Variants in SPOCK1 observed in about 807,000 individuals in gnomAD.
The protein encoded by SPOCK1 is SPARC (osteonectin), cwcv and kazal like domains proteoglycan 1, also known as testican-1.
SPOCK1 carries 23 observed loss-of-function variants against 55.3 expected under a neutral mutation model. The ratio of observed to expected loss-of-function variants is 0.42; its 90% CI spans 0.30 to 0.59. The LOEUF (loss-of-function observed/expected upper bound fraction) is 0.59, where lower values mean the gene tolerates loss of function less well. Among genes scored for constraint, SPOCK1 ranks in the 20% least tolerant of loss-of-function variants. SPOCK1 has a pLI of 0.22. For synonymous variants in SPOCK1, 226 were observed against 221.0 expected (o/e 1.02, Z -0.20); for missense variants, 499 against 552.5 (o/e 0.90, Z 0.97).
intron 2 of SPOCK1, among the ~76,000 whole-genome samples, chr5:137,486,089 C>A (rs1754049497): frequency 6.6e-6 from 1 of 152,232 alleles, no homozygotes; most frequent in Non-Finnish European, 1.5e-5. Context: ...CCTCGACCAA[C>A]AGCCCTGACA....
chr5:137,021,814 A>G (rs970791839), intron 6 of SPOCK1, among the ~76,000 whole-genome samples: 4 of 152,190 alleles, frequency 2.6e-5, no homozygotes, highest in Non-Finnish European at 5.9e-5. Flanking sequence ...ACTGCTCAAG[A>G]TGCAGTTGAT....
At chr5:137,271,012 T>A (rs1410040641) in intron 2 of SPOCK1, among the ~76,000 whole-genome samples, 1 of 150,932 alleles carries the variant, frequency 6.6e-6, no homozygotes, top group Non-Finnish European at 1.5e-5. Flanking sequence ...TCAAAATTAA[T>A]TAATTAATTA....
intron 5 of SPOCK1, among the ~76,000 whole-genome samples, chr5:137,103,927 AT>A (rs1315673692): frequency 6.6e-6 from 1 of 152,242 alleles, no homozygotes; most frequent in Non-Finnish European, 1.5e-5. Context: ...AAAAGGCAAA[AT>A]TCAGTCATCT....
intron 2 of SPOCK1, among the ~76,000 whole-genome samples, chr5:137,358,436 A>AGGAG (rs1185807878): frequency 4.6e-5 from 4 of 86,562 alleles, no homozygotes; most frequent in Admixed American, 2.9e-4. Context: ...AAAGAAAGAA[A>AGGAG]GGAGGGAGGG....
intron 5 of SPOCK1, among the ~76,000 whole-genome samples, chr5:137,084,188 C>A (rs1354796303): frequency 6.6e-6 from 1 of 151,994 alleles, no homozygotes; most frequent in East Asian, 1.9e-4. Flanking sequence ...TTGCCTCCAT[C>A]CCACTTCTGA....
At chr5:137,192,185 A>T (rs868324849) in intron 3 of SPOCK1, among the ~76,000 whole-genome samples, 1 of 145,326 alleles carries the variant, frequency 6.9e-6, no homozygotes, top group Admixed American at 7.1e-5. Context: ...TTGAGCCGAG[A>T]TCACACCACT....
intron 2 of SPOCK1, among the ~76,000 whole-genome samples, chr5:137,322,265 C>T (rs1426823036): frequency 1.3e-5 from 2 of 151,060 alleles, no homozygotes; most frequent in Non-Finnish European, 2.9e-5. Context: ...CCCAAGAAGT[C>T]GAGGCTGCAG....
intron 2 of SPOCK1, among the ~76,000 whole-genome samples, chr5:137,375,847 C>A (rs1053021193): frequency 1.3e-5 from 2 of 152,212 alleles, no homozygotes; most frequent in Non-Finnish European, 2.9e-5. Flanking sequence ...CCAGCTACCC[C>A]AGTCCACCCT....
Position 137,092,054 on chromosome 5 carries a change from C to T in SPOCK1, c.474+20381G>A, listed in dbSNP as rs74740206. 0.018 allele frequency among the ~76,000 whole-genome samples: 2,780 copies of T among 152,220 alleles called. 128 individuals are homozygous for T. In the East Asian group the frequency reaches 0.21, roughly 11 times the overall value. On this transcript the variant is annotated intron_variant, in intron 5 of 10. Transcript: ENST00000394945. ...CTGCTCACCTCTCCAGCCCTATCTA[C>T]CCCCATACTCCCTGCCACTCCATCC...
chr5:137,152,336 T>C (rs1754332876), intron 3 of SPOCK1, among the ~76,000 whole-genome samples: 1 of 152,216 alleles, frequency 6.6e-6, no homozygotes, highest in African/African-American at 2.4e-5. Context: ...TCTCCACCAA[T>C]GTGCCACTCA....
intron 3 of SPOCK1, among the ~76,000 whole-genome samples, chr5:137,217,229 C>T (rs1006042963): frequency 2.6e-5 from 4 of 152,228 alleles, no homozygotes; most frequent in Non-Finnish European, 5.9e-5. Flanking sequence ...CAGCACTTTG[C>T]TTCTATCTAA....
intron 2 of SPOCK1, among the ~76,000 whole-genome samples, chr5:137,272,441 T>C (rs1046007233): frequency 6.6e-6 from 1 of 152,180 alleles, no homozygotes; most frequent in East Asian, 1.9e-4. Flanking sequence ...CAAACTATTA[T>C]AAGGTACAAA....
intron 2 of SPOCK1, among the ~76,000 whole-genome samples, chr5:137,366,298 C>A (rs946408919): frequency 6.6e-6 from 1 of 152,020 alleles, no homozygotes; most frequent in Non-Finnish European, 1.5e-5. Context: ...GCTGTCTTAT[C>A]AAAATCTATA....
chr5:137,410,029 T>G (rs1176463690), intron 2 of SPOCK1, among the ~76,000 whole-genome samples: 1 of 152,210 alleles, frequency 6.6e-6, no homozygotes, highest in Admixed American at 6.5e-5. Flanking sequence ...CACCTCCCAC[T>G]GCCACCACAT....
chr5:137,152,703 TC>T (rs1754340781), intron 3 of SPOCK1, among the ~76,000 whole-genome samples: 3 of 152,208 alleles, frequency 2.0e-5, no homozygotes. Flanking sequence ...GACTCTGTCT[TC>T]TACAGTCTGG....
chr5:137,401,076 A>G (rs1298675267), intron 2 of SPOCK1, among the ~76,000 whole-genome samples: 1 of 152,030 alleles, frequency 6.6e-6, no homozygotes, highest in Non-Finnish European at 1.5e-5. Context: ...GCATCCTTGT[A>G]CCAAATCCAA....
chr5:137,051,218 A>G (rs1249130370), intron 6 of SPOCK1, among the ~76,000 whole-genome samples: 1 of 152,208 alleles, frequency 6.6e-6, no homozygotes, highest in African/African-American at 2.4e-5. Context: ...ATACCCCAAA[A>G]AGTATGAGAC....
chr5:136,977,585 G>T lies in SPOCK1; in HGVS notation c.*1069C>A, dbSNP rs976429111. On this transcript the variant is annotated 3_prime_UTR_variant, in exon 11 of 11. Coordinates refer to ENST00000394945, the MANE Select transcript of SPOCK1 (RefSeq NM_004598.4). The stretch of plus-strand genomic sequence containing the variant: ...GATATGTGTGCATGCCTTAGAAAAA[G>T]CCCTTGAGTAGGTAAGGAAGGAAGA... 2 of 387,770 alleles carry T rather than the reference G, an allele frequency of 5.2e-6. No homozygotes were observed. Among genetic ancestry groups the T allele is most frequent in the African/African-American group, 4.1e-5 (2 of 48,372 alleles). The allele number at this position is 387,770 out of a possible 1,614,324, so 24.0% of individuals were successfully genotyped here. A position where few individuals can be genotyped will look rare whatever the true frequency, so the allele number is the denominator to read the frequency against.
intron 3 of SPOCK1, among the ~76,000 whole-genome samples, chr5:137,231,608 A>G (rs956382951): frequency 2.0e-5 from 3 of 152,230 alleles, no homozygotes; most frequent in Non-Finnish European, 4.4e-5. Flanking sequence ...CATGGTATGG[A>G]TATGCTACAG....
Sources: allele counts gnomAD v4.1 joint callset (sites outside exome capture counted in the v4.1 genomes callset), GRCh38; gene constraint gnomAD v4.1.1; transcripts MANE v1.5; gene names NCBI Gene and HGNC (gene_info 2026-07-23, HGNC 2026-07-21).